Variants in GIGYF2 observed in about 807,000 individuals in gnomAD.
GIGYF2 encodes GRB10-interacting GYF protein 2.
In GIGYF2, 25 loss-of-function variants were observed where a neutral mutation model predicts 208.1. The ratio of observed to expected loss-of-function variants is 0.12; its 90% CI spans 0.09 to 0.17. The LOEUF (loss-of-function observed/expected upper bound fraction) is 0.17, where lower values mean the gene tolerates loss of function less well. Among genes scored for constraint, GIGYF2 ranks in the 10% least tolerant of loss-of-function variants. The pLI, the probability that GIGYF2 is intolerant of heterozygous loss-of-function variation, is 1.00. For synonymous variants in GIGYF2, 534 were observed against 543.8 expected (o/e 0.98, Z 0.25); for missense variants, 1,302 against 1,579.4 (o/e 0.82, Z 2.98).
intron 8 of GIGYF2, among the ~76,000 whole-genome samples, chr2:232,778,580 C>T (rs1699609190): frequency 6.6e-6 from 1 of 152,124 alleles, no homozygotes; most frequent in Non-Finnish European, 1.5e-5. Flanking sequence ...AGAAGACCTT[C>T]TCTCTTCCTT....
chr2:232,700,712 T>C (rs573568601), intron 1 of GIGYF2: 2 of 152,352 alleles, frequency 1.3e-5, no homozygotes, highest in South Asian at 4.1e-4. Context: ...TGTTTGGTCA[T>C]TGTTGTAACA....
intron 9 of GIGYF2, chr2:232,788,480 G>T (rs994114972): frequency 9.5e-5 from 41 of 432,988 alleles, no homozygotes; most frequent in Non-Finnish European, 1.6e-4. Context: ...TGCTGAGCTT[G>T]TCCGTAGGCA....
intron 5 of GIGYF2, among the ~76,000 whole-genome samples, chr2:232,751,406 G>C (rs1698334022): frequency 1.3e-5 from 2 of 151,960 alleles, no homozygotes; most frequent in South Asian, 4.2e-4. Context: ...GTAGAGACAG[G>C]GTTTCACCAT....
rs750242972 is a variant in GIGYF2, at chr2:232,735,250, A to G, written c.41+12A>G. ...TTTGGGCCTGAATGGTGAGTTTTCA[A>G]AATCTCATCTTCTTTGATATTGGAT... is the stretch of plus-strand genomic sequence containing the variant. On this transcript the variant is annotated intron_variant, in intron 3 of 28. Coordinates refer to ENST00000373563, the MANE Select transcript of GIGYF2 (RefSeq NM_001103146.3). 13 of 1,580,974 alleles carry G rather than the reference A, an allele frequency of 8.2e-6. No homozygotes were observed. Among genetic ancestry groups the G allele is most frequent in the East Asian group, 4.5e-5 (2 of 44,714 alleles).
chr2:232,844,790 T>C (rs192358317), intron 25 of GIGYF2, among the ~76,000 whole-genome samples: 296 of 152,350 alleles, frequency 1.9e-3, no homozygotes, highest in African/African-American at 6.8e-3. Flanking sequence ...TGAGCACTTA[T>C]TCTATCGCCT....
chr2:232,715,175 A>G (rs1052472027), intron 2 of GIGYF2, among the ~76,000 whole-genome samples: 4 of 152,128 alleles, frequency 2.6e-5, no homozygotes, highest in African/African-American at 7.2e-5. Flanking sequence ...TCTGTGATTC[A>G]TCCGTATTGC....
At chr2:232,738,253 G>T (rs1279931041) in intron 3 of GIGYF2, among the ~76,000 whole-genome samples, 1 of 151,970 alleles carries the variant, frequency 6.6e-6, no homozygotes, top group African/African-American at 2.4e-5. Context: ...GAATCATTAG[G>T]TCTTAGATTA....
chr2:232,709,245 A>G (rs1696270669), intron 2 of GIGYF2, among the ~76,000 whole-genome samples: 1 of 152,154 alleles, frequency 6.6e-6, no homozygotes, highest in East Asian at 1.9e-4. Context: ...TCTAAATATA[A>G]TACCTGGCAT....
At chr2:232,748,798 G>A (rs1698240877) in intron 4 of GIGYF2, among the ~76,000 whole-genome samples, 189 bp from the exon 5 acceptor site, 1 of 152,012 alleles carries the variant, frequency 6.6e-6, no homozygotes, top group Admixed American at 6.6e-5. Flanking sequence ...TATTGACTGG[G>A]GTTTTTAATA....
intron 6 of GIGYF2, among the ~76,000 whole-genome samples, chr2:232,759,603 G>A (rs915363416): frequency 6.6e-6 from 1 of 151,648 alleles, no homozygotes. Context: ...TGCTTAATCT[G>A]CTGTGGCATC....
chr2:232,743,834 A>G (rs1698054652), intron 3 of GIGYF2, among the ~76,000 whole-genome samples: 1 of 151,880 alleles, frequency 6.6e-6, no homozygotes, highest in Non-Finnish European at 1.5e-5. Flanking sequence ...TGATTGTGTT[A>G]TTGTGTTATT....
At chr2:232,763,432 ATATC>A (rs1351318289) in intron 8 of GIGYF2, among the ~76,000 whole-genome samples, 1 of 152,170 alleles carries the variant, frequency 6.6e-6, no homozygotes, top group Non-Finnish European at 1.5e-5. Flanking sequence ...CTATACATAT[ATATC>A]TATGATAAAG....
At chr2:232,850,191 C>A in intron 27 of GIGYF2, 71 bp from the exon 28 acceptor site, 1 of 1,311,078 alleles carries the variant, frequency 7.6e-7, no homozygotes, top group Non-Finnish European at 1.1e-6. Flanking sequence ...TGAGGACAAA[C>A]CAAACATTTT....
chr2:232,737,110 C>G (rs1697764482), intron 3 of GIGYF2, among the ~76,000 whole-genome samples: 2 of 152,190 alleles, frequency 1.3e-5, no homozygotes, highest in Admixed American at 6.5e-5. Context: ...GCAGGGTTGA[C>G]AGGCCATTTG....
In GIGYF2 at chr2:232,847,517, A is replaced by ACAGCAGCAGCAG; in HGVS notation, c.3638_3649dup (p.Gln1213_Gln1216dup). 4.8e-6 allele frequency: 2 copies of ACAGCAGCAGCAG among 415,918 alleles called. No homozygotes were observed. Among genetic ancestry groups the ACAGCAGCAGCAG allele is most frequent in the South Asian group, 3.9e-5 (2 of 51,648 alleles). The allele number at this position is 415,918 out of a possible 1,614,324, so 25.8% of individuals were successfully genotyped here. A position where few individuals can be genotyped will look rare whatever the true frequency, so the allele number is the denominator to read the frequency against. ...AGCAGCGTCAGCAGCAGCAGCTGCC[A>ACAGCAGCAGCAG]CAGCAGCAGCAGCAGCAGCCGCCAC... On this transcript the variant is annotated inframe_insertion, in exon 27 of 29. Transcript: ENST00000373563.
At chr2:232,704,552 TCGCCACCA>T in intron 2 of GIGYF2, among the ~76,000 whole-genome samples, 1 of 152,012 alleles carries the variant, frequency 6.6e-6, no homozygotes, top group Non-Finnish European at 1.5e-5. Flanking sequence ...TTACAGGTAT[TCGCCACCA>T]CACCCAGCTA....
intron 22 of GIGYF2, among the ~76,000 whole-genome samples, chr2:232,836,281 T>A (rs368624859): frequency 7.5e-4 from 5 of 6,648 alleles, no homozygotes; most frequent in African/African-American, 3.0e-3. Context: ...TATATATATA[T>A]ATATATATAT....
rs558697449 is a variant in GIGYF2 at position 232,742,312 on chromosome 2, G to A, written c.42-5303G>A. On this transcript the variant is annotated intron_variant, in intron 3 of 28. Transcript: ENST00000373563. ...TCCCAACACTTTGGGAGACTGAGGC[G>A]GGTGGATCACCTGAGGTCAGGAGTT... Among the ~76,000 whole-genome samples, 84 of 152,310 alleles carry A rather than the reference G, an allele frequency of 5.5e-4. 1 individual carries two copies. The highest frequency in any genetic ancestry group is 2.0e-3 in the African/African-American group (82 of 41,556).
At chr2:232,773,620 T>C (rs1267804804) in intron 8 of GIGYF2, among the ~76,000 whole-genome samples, 2 of 152,196 alleles carry the variant, frequency 1.3e-5, no homozygotes, top group Non-Finnish European at 2.9e-5. Flanking sequence ...CAAGTATCTG[T>C]ATTAAACCAT....
Sources: allele counts gnomAD v4.1 joint callset (sites outside exome capture counted in the v4.1 genomes callset), GRCh38; gene constraint gnomAD v4.1.1; transcripts MANE v1.5; gene names NCBI Gene and HGNC (gene_info 2026-07-23, HGNC 2026-07-21).